The following CADM2 variants were observed in gnomAD, a reference collection of about 807,000 sequenced individuals.
CADM2 encodes the protein cell adhesion molecule 2, also known as immunoglobulin superfamily member 4D.
In CADM2, 12 loss-of-function variants were observed where a neutral mutation model predicts 49.8. The ratio of observed to expected loss-of-function variants is 0.24; its 90% confidence interval spans 0.15 to 0.39. The LOEUF (loss-of-function observed/expected upper bound fraction) is 0.39, where lower values mean the gene tolerates loss of function less well. Ranked by LOEUF, CADM2 falls within the 10% of genes least tolerant of loss-of-function variation. The pLI, the probability that CADM2 is intolerant of heterozygous loss-of-function variation, is 1.00. For synonymous variants in CADM2, 214 were observed against 175.4 expected, an observed-to-expected ratio of 1.22 and a Z score of -1.74; for missense variants, 378 against 492.3, an observed-to-expected ratio of 0.77 and a Z score of 2.20.
At chr3:85,565,305 T>C (rs1477494187) in intron 1 of CADM2, among the ~76,000 whole-genome samples, 1 of 152,028 alleles carries the variant, frequency 6.6e-6, no homozygotes, top group Non-Finnish European at 1.5e-5. Flanking sequence ...GGTTTTAGAG[T>C]ATTTTAAGAG....
At chr3:85,516,017 T>C (rs917112566) in intron 1 of CADM2, among the ~76,000 whole-genome samples, 5 of 152,130 alleles carry the variant, frequency 3.3e-5, no homozygotes, top group Non-Finnish European at 7.4e-5. Context: ...ACAACTGTAA[T>C]AACAAGTGAT....
At chr3:85,966,385 C>A (rs911232870) in intron 8 of CADM2, among the ~76,000 whole-genome samples, 4 of 151,410 alleles carry the variant, frequency 2.6e-5, no homozygotes, top group African/African-American at 4.8e-5. Context: ...TTTATTTTTT[C>A]TTTTACCGTA....
chr3:85,255,502 A>G (rs1210555836), intron 1 of CADM2, among the ~76,000 whole-genome samples: 1 of 151,998 alleles, frequency 6.6e-6, no homozygotes, highest in Non-Finnish European at 1.5e-5. Flanking sequence ...TTGCAGCTAT[A>G]TGATTTAGCT....
At chr3:85,597,352 T>G (rs1576896479) in intron 1 of CADM2, among the ~76,000 whole-genome samples, 1 of 152,096 alleles carries the variant, frequency 6.6e-6, no homozygotes, top group East Asian at 1.9e-4. Flanking sequence ...GATAACTGCC[T>G]TTATGTGCTT....
At chr3:85,289,217 C>A (rs2043712713) in intron 1 of CADM2, among the ~76,000 whole-genome samples, 1 of 152,186 alleles carries the variant, frequency 6.6e-6, no homozygotes, top group Non-Finnish European at 1.5e-5. Flanking sequence ...TCCTGACTTT[C>A]ATTCAAATTA....
At chr3:86,062,181 T>A (rs1738737987) in intron 8 of CADM2, among the ~76,000 whole-genome samples, 1 of 152,186 alleles carries the variant, frequency 6.6e-6, no homozygotes, top group African/African-American at 2.4e-5. Flanking sequence ...TTCTGCAAGA[T>A]ATTCAGCAAA....
At chr3:85,090,158 A>C (rs896411204) in intron 1 of CADM2, among the ~76,000 whole-genome samples, 1 of 152,306 alleles carries the variant, frequency 6.6e-6, no homozygotes, top group African/African-American at 2.4e-5. Flanking sequence ...GTTGTAATTT[A>C]CTTGATTTGA....
rs1209696674 is a variant in CADM2, at chr3:85,018,088, C to T, written c.61+58420C>T. On this transcript the variant is annotated intron_variant, in intron 1 of 9. Transcript: ENST00000383699. ...AATAGACATTTTCACTTAATGTGAA[C>T]ATGTGACCGTTCTATTATTATTGCT... 2.6e-5 allele frequency among the ~76,000 whole-genome samples: 4 copies of T among 152,230 alleles called. No individual in the cohort carries two copies. The South Asian group carries it at 6.2e-4, about 24-fold the overall frequency.
intron 1 of CADM2, among the ~76,000 whole-genome samples, chr3:85,418,523 A>G (rs995043857): frequency 1.3e-5 from 2 of 152,180 alleles, no homozygotes; most frequent in African/African-American, 4.8e-5. Context: ...AAGGTCTATT[A>G]TAGTTCAAGG....
chr3:85,893,803 T>C (rs1214305768), intron 5 of CADM2, among the ~76,000 whole-genome samples: 2 of 152,066 alleles, frequency 1.3e-5, no homozygotes, highest in South Asian at 2.1e-4. Flanking sequence ...TGAGATACCA[T>C]CTCACACCAG....
rs1363153615 is a variant in CADM2 at position 86,073,447 on chromosome 3, G to A, written c.*6664G>A. 2.6e-5 allele frequency: 4 copies of A among 151,766 alleles called. No individual in the cohort carries two copies. The highest frequency in any genetic ancestry group is 5.9e-5 in the Non-Finnish European group (4 of 67,838). The allele number at this position is 151,766 out of a possible 1,614,324, so 9.4% of individuals were successfully genotyped here. ...AAACAAAATGCATATTGTAATATTT[G>A]GTACATGACACTTGCATGTTGATAT... On this transcript the variant is annotated 3_prime_UTR_variant, in exon 10 of 10. Transcript: ENST00000383699.
At chr3:84,974,176 A>C (rs931241779) in intron 1 of CADM2, among the ~76,000 whole-genome samples, 2 of 151,770 alleles carry the variant, frequency 1.3e-5, no homozygotes, top group African/African-American at 2.4e-5. Context: ...GGCTAGTGAT[A>C]TCTCTGGAAT....
intron 1 of CADM2, among the ~76,000 whole-genome samples, chr3:85,242,203 C>T (rs1198982100): frequency 6.6e-6 from 1 of 150,932 alleles, no homozygotes; most frequent in Non-Finnish European, 1.5e-5. Flanking sequence ...GATAAAAACA[C>T]ATTATGGAAA....
chr3:85,971,109 ATCATTTTT>A (rs1386742652), intron 8 of CADM2, among the ~76,000 whole-genome samples: 7 of 151,606 alleles, frequency 4.6e-5, no homozygotes, highest in African/African-American at 1.7e-4. Context: ...ACATATTAAG[ATCATTTTT>A]TCTAGTATAC....
At chr3:84,972,933 G>T (rs986304744) in intron 1 of CADM2, among the ~76,000 whole-genome samples, 2 of 151,628 alleles carry the variant, frequency 1.3e-5, no homozygotes, top group African/African-American at 2.4e-5. Flanking sequence ...ATTATTTTTT[G>T]AATCAGAGTC....
intron 5 of CADM2, among the ~76,000 whole-genome samples, chr3:85,898,434 C>T (rs186423654): frequency 6.5e-4 from 99 of 152,094 alleles, no homozygotes; most frequent in African/African-American, 2.4e-3. Flanking sequence ...ATATCCTTTC[C>T]AACACCTTCC....
intron 1 of CADM2, among the ~76,000 whole-genome samples, chr3:85,472,074 G>A (rs2038794683): frequency 6.6e-6 from 1 of 151,766 alleles, no homozygotes; most frequent in Admixed American, 6.6e-5. Flanking sequence ...TCTATCTAAA[G>A]TATTCCAGAC....
chr3:85,053,316 T>C (rs555979021), intron 1 of CADM2, among the ~76,000 whole-genome samples: 6 of 152,160 alleles, frequency 3.9e-5, no homozygotes, highest in African/African-American at 1.4e-4. Flanking sequence ...ATGCTATCTC[T>C]ACTTTGTTCT....
At chr3:85,568,646 A>C (rs2062389174) in intron 1 of CADM2, among the ~76,000 whole-genome samples, 1 of 120,976 alleles carries the variant, frequency 8.3e-6, no homozygotes, top group South Asian at 2.6e-4. Context: ...TCTGTTGCCG[A>C]GGCTGGAGTG....
Sources: allele counts gnomAD v4.1 joint callset (sites outside exome capture counted in the v4.1 genomes callset), GRCh38; gene constraint gnomAD v4.1.1; transcripts MANE v1.5; gene names NCBI Gene and HGNC (gene_info 2026-07-23, HGNC 2026-07-21).